The following LRRC1 variants were observed in gnomAD, a reference collection of about 807,000 sequenced individuals.
LRRC1 encodes the protein leucine rich repeat containing 1.
LRRC1 carries 28 observed loss-of-function variants against 69.9 expected under a neutral mutation model. That is an observed-to-expected ratio of 0.40 (90% CI 0.30 to 0.55). The LOEUF (loss-of-function observed/expected upper bound fraction) is 0.55. LRRC1 is among the 20% of genes least tolerant of loss of function. LRRC1 has a pLI of 0.47. For missense variants in LRRC1, 498 were observed against 609.0 expected (o/e 0.82, Z 1.92); for synonymous variants, 236 against 240.2 (o/e 0.98, Z 0.16).
At chr6:53,921,955 C>T (rs1189366887) in intron 13 of LRRC1, among the ~76,000 whole-genome samples, 2 of 152,096 alleles carry the variant, frequency 1.3e-5, no homozygotes, top group African/African-American at 4.8e-5. Context: ...GTTTGGTTCC[C>T]CCTAAAGCTC....
intron 1 of LRRC1, among the ~76,000 whole-genome samples, chr6:53,811,011 T>G (rs953536317): frequency 2.6e-5 from 4 of 152,202 alleles, no homozygotes; most frequent in Non-Finnish European, 2.9e-5. Context: ...ATCAGGGACT[T>G]ACTTATGTGT....
At chr6:53,828,257 G>GA (rs1765330205) in intron 1 of LRRC1, among the ~76,000 whole-genome samples, 1 of 151,728 alleles carries the variant, frequency 6.6e-6, no homozygotes, top group African/African-American at 2.4e-5. Context: ...TGTTGATGTT[G>GA]GAAAGGAGCA....
At chr6:53,879,466 A>G (rs1012127677) in intron 3 of LRRC1, among the ~76,000 whole-genome samples, 12 of 152,004 alleles carry the variant, frequency 7.9e-5, no homozygotes, top group African/African-American at 2.9e-4. Flanking sequence ...TTGTATTTTT[A>G]GTAGAGACGG....
intron 1 of LRRC1, among the ~76,000 whole-genome samples, chr6:53,818,333 A>G (rs1183068102): frequency 6.6e-6 from 1 of 152,226 alleles, no homozygotes; most frequent in Non-Finnish European, 1.5e-5. Flanking sequence ...ATAAATAGAA[A>G]TACCAGTGTA....
chr6:53,918,229 T>G (rs886518842), intron 11 of LRRC1, among the ~76,000 whole-genome samples: 2 of 152,244 alleles, frequency 1.3e-5, no homozygotes, highest in African/African-American at 4.8e-5. Context: ...ATGCACTGGC[T>G]TAAGAACCTC....
chr6:53,908,020 A>G (rs781259336), intron 10 of LRRC1, among the ~76,000 whole-genome samples: 2 of 152,048 alleles, frequency 1.3e-5, no homozygotes, highest in Non-Finnish European at 1.5e-5. Context: ...TTTATTTTTC[A>G]TCCTGTTGCT....
chr6:53,815,440 C>T (rs1008678783), intron 1 of LRRC1, among the ~76,000 whole-genome samples: 5 of 134,304 alleles, frequency 3.7e-5, no homozygotes, highest in African/African-American at 1.4e-4. Context: ...TTGAGATTTT[C>T]TTTTCTCTTG....
At chr6:53,805,250 C>T (rs1262790627) in intron 1 of LRRC1, among the ~76,000 whole-genome samples, 1 of 152,164 alleles carries the variant, frequency 6.6e-6, no homozygotes, top group Non-Finnish European at 1.5e-5. Context: ...GAAAGCAGGA[C>T]TCCGGCTTTC....
At position 53,887,476 on chromosome 6, in the gene LRRC1, G is replaced by A. The variant is rs577619592; in HGVS notation, c.446+4500G>A. Among the ~76,000 whole-genome samples the A allele has an allele frequency of 1.1e-4, 16 of 151,922 alleles. 1 individual carries two copies. The East Asian group carries it at 2.7e-3, about 26-fold the overall frequency. ...AGGGAGAGATGATGCTGACAGTCTCGGTGGGGTAGGGACTCTTTGAGGTGC... is the reference window on the plus strand; with the variant it reads ...AGGGAGAGATGATGCTGACAGTCTCAGTGGGGTAGGGACTCTTTGAGGTGC... On this transcript the variant is annotated intron_variant, in intron 4 of 13. Coordinates refer to ENST00000370888, the MANE Select transcript of LRRC1 (RefSeq NM_018214.5).
intron 1 of LRRC1, among the ~76,000 whole-genome samples, chr6:53,800,927 A>G (rs573952801): frequency 2.4e-4 from 37 of 152,374 alleles, no homozygotes; most frequent in Non-Finnish European, 2.9e-4. Context: ...GGCGTTAGCC[A>G]CTGTGCTTGG....
chr6:53,853,318 T>C (rs2127420236), intron 2 of LRRC1, among the ~76,000 whole-genome samples: 1 of 149,504 alleles, frequency 6.7e-6, no homozygotes, highest in East Asian at 2.0e-4. Flanking sequence ...GAAGTTTCGC[T>C]CTGTTGCCCA....
chr6:53,922,876 C>T lies in LRRC1; in HGVS notation c.*83C>T. 4 of 1,401,164 alleles carry T rather than the reference C, an allele frequency of 2.9e-6. No individual in the cohort carries two copies. Among genetic ancestry groups the T allele is most frequent in the East Asian group, 2.3e-5 (1 of 43,520 alleles). 86.8% of individuals were successfully genotyped at this position (1,401,164 alleles called of 1,614,324 possible). A position where few individuals can be genotyped will look rare whatever the true frequency, so the allele number is the denominator to read the frequency against. ...CTGCTTCCCGGGAGCCTCACGTGCTCCTTGTCCTAACCAGCCCCCGCGCGC... is the reference window on the plus strand; with the variant it reads ...CTGCTTCCCGGGAGCCTCACGTGCTTCTTGTCCTAACCAGCCCCCGCGCGC... On this transcript the variant is annotated 3_prime_UTR_variant, in exon 14 of 14. Transcript: ENST00000370888.
At chr6:53,871,189 T>G (rs1766871892) in intron 2 of LRRC1, among the ~76,000 whole-genome samples, 2 of 152,196 alleles carry the variant, frequency 1.3e-5, no homozygotes. Flanking sequence ...GTAGTTCCAT[T>G]TTGAATTTTT....
intron 4 of LRRC1, among the ~76,000 whole-genome samples, chr6:53,885,593 C>T (rs1446044829): frequency 6.6e-6 from 1 of 152,176 alleles, no homozygotes; most frequent in East Asian, 1.9e-4. Context: ...TAGCATTGGC[C>T]TCTCAAGCTT....
At chr6:53,865,265 CA>C (rs922102755) in intron 2 of LRRC1, among the ~76,000 whole-genome samples, 2 of 152,036 alleles carry the variant, frequency 1.3e-5, no homozygotes, top group African/African-American at 4.8e-5. Context: ...AGAAGGTGAT[CA>C]GTACAGATGT....
chr6:53,905,333 C>CAAAAAAA, intron 10 of LRRC1: 1 of 71,268 alleles, frequency 1.4e-5, no homozygotes, highest in Non-Finnish European at 2.8e-5. Flanking sequence ...GACTCTATCT[C>CAAAAAAA]AAAAAAAAAA....
chr6:53,885,738 A>T (rs1235423369), intron 4 of LRRC1, among the ~76,000 whole-genome samples: 1 of 152,164 alleles, frequency 6.6e-6, no homozygotes, highest in Non-Finnish European at 1.5e-5. Flanking sequence ...AGGGGAGGGT[A>T]AAAGCCTTTA....
intron 2 of LRRC1, among the ~76,000 whole-genome samples, chr6:53,843,484 C>A (rs1765849851): frequency 6.6e-6 from 1 of 152,194 alleles, no homozygotes; most frequent in Admixed American, 6.5e-5. Context: ...TAGAAACTGT[C>A]TTCTGGCTTA....
intron 2 of LRRC1, among the ~76,000 whole-genome samples, chr6:53,868,924 CCTT>C (rs1449367608): frequency 2.6e-5 from 4 of 152,166 alleles, no homozygotes; most frequent in Non-Finnish European, 4.4e-5. Flanking sequence ...ATAGCAGGGT[CCTT>C]CTTTGTCTAG....
Sources: gnomAD v4.1 joint callset for allele counts (sites outside exome capture counted in the v4.1 genomes callset) on GRCh38, gnomAD v4.1.1 for gene constraint, MANE v1.5 for transcripts, NCBI Gene and HGNC (gene_info 2026-07-23, HGNC 2026-07-21) for gene names.